Variants in SEL1L3 observed in about 807,000 individuals in gnomAD.
SEL1L3 encodes the protein protein sel-1 homolog 3.
Under a neutral mutation model 142.8 loss-of-function variants are expected in SEL1L3, and 76 were observed. The observed-to-expected ratio is 0.53, with a 90% confidence interval of 0.44 to 0.64. SEL1L3 has a LOEUF of 0.64. Ranked by LOEUF, SEL1L3 falls within the 30% of genes least tolerant of loss-of-function variation. The pLI is 0.00. For missense variants in SEL1L3, 1,262 were observed against 1,381.7 expected (o/e 0.91, Z 1.37); for synonymous variants, 504 against 519.6 (o/e 0.97, Z 0.41).
In SEL1L3 at chr4:25,847,392, T is replaced by G; in HGVS notation, c.635A>C (p.Glu212Ala). The change falls in exon 2 of 24, where the codon GAA becomes GCA. Residue 212 changes from glutamate to alanine, a missense_variant. By Grantham distance (107) the Glu-to-Ala change is moderately radical. This residue lies in a region of SEL1L3 where 689 missense variants were observed against 692.8 expected (regional missense o/e 0.99). Coordinates refer to ENST00000399878, the MANE Select transcript of SEL1L3 (RefSeq NM_015187.5). ...CACTTGATGATCTTTGAAAGGGCGT[T>G]CAAAAGGCGGGATGGTCTGCAGGAG... ...YTLLQTIPPF[E>A]RPFKDHQVCL... 6.2e-7 allele frequency: 1 copy of G among 1,613,972 alleles called. No homozygotes were observed. Among genetic ancestry groups the G allele is most frequent in the South Asian group, 1.1e-5 (1 of 91,076 alleles).
In SEL1L3 at chr4:25,757,541, AG is replaced by A. The variant is rs1560277279; in HGVS notation, c.3251del (p.Ser1084LeufsTer27). 14 of 1,547,112 alleles carry A rather than the reference AG, an allele frequency of 9.0e-6. No homozygotes were observed. The highest frequency in any genetic ancestry group is 1.1e-5 in the Non-Finnish European group (13 of 1,144,596). On this transcript the variant is annotated frameshift_variant, in exon 23 of 24. Coordinates refer to ENST00000399878, the MANE Select transcript of SEL1L3 (RefSeq NM_015187.5). LOFTEE classifies it low-confidence loss of function (END_TRUNC). ...CTTTTTATAAATCTTTACCTGAGAC[AG>A]ACTGGAAATACTGCACAGTCCAGGC... ...LIAWTVQYFQ[S>X]VSASDPPPRP...
rs1717310885 is a variant in SEL1L3, at chr4:25,747,441, A to C, written c.*984T>G. 1 of 152,194 alleles carries C rather than the reference A, an allele frequency of 6.6e-6. No homozygotes were observed. The highest frequency in any genetic ancestry group is 2.4e-5 in the African/African-American group (1 of 41,434). 9.4% of individuals were successfully genotyped at this position (152,194 alleles called of 1,614,324 possible). A position where few individuals can be genotyped will look rare whatever the true frequency, so the allele number is the denominator to read the frequency against. ...AAACCACTTTCTGGTAGTCAATTGT[A>C]TAAAAATAATTTTATTTACTACTGT... is the stretch of plus-strand genomic sequence containing the variant. On this transcript the variant is annotated 3_prime_UTR_variant, in exon 24 of 24. Transcript: ENST00000399878.
intron 15 of SEL1L3, among the ~76,000 whole-genome samples, chr4:25,780,809 TAA>T (rs1491544736): frequency 1.5e-5 from 2 of 132,562 alleles, no homozygotes; most frequent in African/African-American, 6.0e-5. Flanking sequence ...TATATATAAA[TAA>T]TATATATATA....
Position 25,835,214 on chromosome 4 carries a change from C to A in SEL1L3, c.843G>T (p.Gln281His). 1 of 1,614,060 alleles carries A rather than the reference C, an allele frequency of 6.2e-7. No individual in the cohort carries two copies. Among genetic ancestry groups the A allele is most frequent in the Admixed American group, 1.7e-5 (1 of 60,032 alleles). Residue 281 changes from glutamine to histidine, a missense_variant, in exon 3 of 24, where the codon CAG becomes CAT. Gln to His is a conservative substitution (Grantham distance 24, BLOSUM62 0). Coordinates refer to ENST00000399878, the MANE Select transcript of SEL1L3 (RefSeq NM_015187.5). ...RNRELEATRR[Q>H]RMDYPVFTVS... is the part of the protein sequence containing the mutation. The stretch of plus-strand genomic sequence containing the variant: ...ATCCTTACACTGGGTAATCCATCCT[C>A]TGGCGTCGAGTGGCCTCCAGCTCTC...
downstream of SEL1L3, among the ~76,000 whole-genome samples, chr4:25,743,130 A>G (rs1207458827): frequency 3.9e-5 from 6 of 152,104 alleles, no homozygotes; most frequent in Non-Finnish European, 5.9e-5. Flanking sequence ...GCCTCAGCTA[A>G]CTCTTGCCAT....
chr4:25,803,386 G>A (rs140016467), intron 10 of SEL1L3, among the ~76,000 whole-genome samples: 52 of 152,344 alleles, frequency 3.4e-4, no homozygotes. Flanking sequence ...TAACTGGAAG[G>A]GAACATGGAA....
intron 17 of SEL1L3, among the ~76,000 whole-genome samples, chr4:25,775,632 G>C (rs534796954): frequency 6.6e-6 from 1 of 152,222 alleles, no homozygotes; most frequent in Non-Finnish European, 1.5e-5. Context: ...TTAGGAGAGG[G>C]GTCCCTTATT....
chr4:25,844,721 G>A (rs1447493928), intron 2 of SEL1L3, among the ~76,000 whole-genome samples: 1 of 152,208 alleles, frequency 6.6e-6, no homozygotes, highest in Non-Finnish European at 1.5e-5. Context: ...AAAGTCGGAG[G>A]TACAGCAAAT....
At chr4:25,717,925 C>G in the SEL1L3 span, among the ~76,000 whole-genome samples, 1 of 152,142 alleles carries the variant, frequency 6.6e-6, no homozygotes, top group African/African-American at 2.4e-5. Context: ...CTAAGACCAA[C>G]GGATGACTCT....
chr4:25,785,833 T>A (rs947041102), intron 13 of SEL1L3, among the ~76,000 whole-genome samples: 4 of 152,190 alleles, frequency 2.6e-5, no homozygotes, highest in Admixed American at 6.5e-5. Flanking sequence ...CAACTCTTTT[T>A]TGTTTTGAAG....
At chr4:25,810,868 AC>A (rs1292314548) in intron 9 of SEL1L3, among the ~76,000 whole-genome samples, 1 of 152,082 alleles carries the variant, frequency 6.6e-6, no homozygotes, top group Non-Finnish European at 1.5e-5. Flanking sequence ...GCAGTTGGGC[AC>A]CCCGAGTAGC....
intron 9 of SEL1L3, among the ~76,000 whole-genome samples, chr4:25,806,091 T>C (rs980253900): frequency 6.8e-6 from 1 of 147,452 alleles, no homozygotes; most frequent in Non-Finnish European, 1.5e-5. Context: ...CAGGCTGGAG[T>C]GCAGTGGCGC....
chr4:25,839,337 ACTC>A (rs1346028477), intron 2 of SEL1L3, among the ~76,000 whole-genome samples: 1 of 152,148 alleles, frequency 6.6e-6, no homozygotes, highest in East Asian at 1.9e-4. Flanking sequence ...AACCAGTTCT[ACTC>A]CTAGTAATTT....
At chr4:25,740,752 C>T in the SEL1L3 span, among the ~76,000 whole-genome samples, 2 of 152,124 alleles carry the variant, frequency 1.3e-5, no homozygotes, top group Non-Finnish European at 2.9e-5. Context: ...TTTGTTTCCC[C>T]ACATCCTCAG....
chr4:25,752,114 A>AAAAAAG (rs1453879647), intron 23 of SEL1L3, among the ~76,000 whole-genome samples: 4 of 147,520 alleles, frequency 2.7e-5, no homozygotes, highest in African/African-American at 1.0e-4. Context: ...ATCTCAAAAA[A>AAAAAAG]AAAAAAAAAA....
At position 25,818,190 on chromosome 4, in the gene SEL1L3, T is replaced by C; in HGVS notation, c.1512A>G (p.Lys504=). 2 of 1,608,682 alleles carry C rather than the reference T, an allele frequency of 1.2e-6. No homozygotes were observed. Among genetic ancestry groups the C allele is most frequent in the Non-Finnish European group, 1.7e-6 (2 of 1,177,542 alleles). ...CCTGGAACAAGCTGGGGTGTTTGTC[T>C]TTCAGCTCCTTCTCCCAGGGGAAGG... The part of the protein sequence containing the change: ...CRAFPWEKEL[K]DKHPSLFQAL... The change falls in exon 9 of 24, where the codon AAA becomes AAG. Residue 504 remains lysine, a synonymous_variant. Coordinates refer to ENST00000399878, the MANE Select transcript of SEL1L3 (RefSeq NM_015187.5).
chr4:25,726,467 G>C, the SEL1L3 span, among the ~76,000 whole-genome samples: 1 of 149,952 alleles, frequency 6.7e-6, no homozygotes, highest in African/African-American at 2.5e-5. Flanking sequence ...AGTGGAGGTT[G>C]CAGTGAGCCG....
chr4:25,746,559 A>AAT (rs1717277106), downstream of SEL1L3, among the ~76,000 whole-genome samples: 4 of 104,934 alleles, frequency 3.8e-5, no homozygotes, highest in Admixed American at 1.9e-4. Flanking sequence ...TATATATTTA[A>AAT]ATATATATAT....
At chr4:25,811,291 T>A (rs537143195) in intron 9 of SEL1L3, among the ~76,000 whole-genome samples, 9 of 152,238 alleles carry the variant, frequency 5.9e-5, no homozygotes, top group Non-Finnish European at 1.3e-4. Context: ...AGCAGGATTC[T>A]GGTCTACTGC....
Sources: gnomAD v4.1 joint callset for allele counts (sites outside exome capture counted in the v4.1 genomes callset) on GRCh38, gnomAD v4.1.1 for gene constraint, gnomAD v4.1.1 regional missense constraint, MANE v1.5 for transcripts, NCBI Gene and HGNC (gene_info 2026-07-23, HGNC 2026-07-21) for gene names.